Variants in PDE6C observed in about 807,000 individuals in gnomAD.
The protein encoded by PDE6C is phosphodiesterase 6C.
A neutral mutation model predicts 113.1 loss-of-function variants in PDE6C; 75 were observed. The ratio of observed to expected loss-of-function variants is 0.66; its 90% CI spans 0.55 to 0.80. The LOEUF is 0.80. PDE6C is among the 30% of genes least tolerant of loss of function. The pLI is 0.00. For missense variants in PDE6C, 912 were observed against 1,038.6 expected, an observed-to-expected ratio of 0.88 and a Z score of 1.67; for synonymous variants, 375 against 363.7, an observed-to-expected ratio of 1.03 and a Z score of -0.35.
At chr10:93,636,376 G>C (rs1259930815) in intron 10 of PDE6C, among the ~76,000 whole-genome samples, 2 of 147,092 alleles carry the variant, frequency 1.4e-5, no homozygotes, top group Non-Finnish European at 1.5e-5. Context: ...CTTTGTGTGT[G>C]TGTGTGTGTG....
chr10:93,624,597 A>G (rs7095955), intron 4 of PDE6C, among the ~76,000 whole-genome samples: 11,220 of 152,222 alleles, frequency 0.074, 930 homozygotes, highest in African/African-American at 0.21. Context: ...TAATTGTTCT[A>G]AGTGGATAAA....
In PDE6C at chr10:93,621,478, G is replaced by A. The variant is rs966500046; in HGVS notation, c.724-454G>A. On this transcript the variant is annotated intron_variant, in intron 3 of 21. Coordinates refer to ENST00000371447, the MANE Select transcript of PDE6C (RefSeq NM_006204.4). ...CAGTTTCCTCACCAGTACAATGCACGAGTAGAGGTTGAGAGGGAGGTCCCT... is the reference window on the plus strand; with the variant it reads ...CAGTTTCCTCACCAGTACAATGCACAAGTAGAGGTTGAGAGGGAGGTCCCT... Among the ~76,000 whole-genome samples the A allele has an allele frequency of 3.1e-4, 47 of 152,192 alleles. 1 individual carries two copies. Among genetic ancestry groups the A allele is most frequent in the South Asian group, 4.1e-4 (2 of 4,836 alleles).
intron 11 of PDE6C, among the ~76,000 whole-genome samples, chr10:93,638,466 A>T (rs956995029): frequency 2.6e-5 from 4 of 152,132 alleles, no homozygotes; most frequent in Admixed American, 2.6e-4. Context: ...CCTGCCCTCA[A>T]CAATAGGCAT....
chr10:93,623,742 T>C (rs943838845), intron 4 of PDE6C, among the ~76,000 whole-genome samples: 3 of 152,238 alleles, frequency 2.0e-5, no homozygotes, highest in African/African-American at 7.2e-5. Flanking sequence ...CCTTTGCGCC[T>C]TTGTCCAAGT....
Position 93,663,077 on chromosome 10 carries a change from A to C in PDE6C, c.2417A>C (p.Gln806Pro). 1 of 1,613,278 alleles carries C rather than the reference A, an allele frequency of 6.2e-7. No individual in the cohort carries two copies. The highest frequency in any genetic ancestry group is 8.5e-7 in the Non-Finnish European group (1 of 1,179,556). Residue 806 changes from glutamine (Q) to proline (P), a missense_variant, in exon 21 of 22, where the codon CAG becomes CCG. Physicochemically the swap from Gln to Pro is moderately conservative, Grantham distance 76. Transcript: ENST00000371447. ...ATCACACCTATGCTGAGTGGTCTTCAGAATAACAGAGTAGAATGGAAATCA... is the reference window on the plus strand; with the variant it reads ...ATCACACCTATGCTGAGTGGTCTTCCGAATAACAGAGTAGAATGGAAATCA... ...KEITPMLSGL[Q>P]NNRVEWKSLA...
Position 93,662,109 on chromosome 10 carries a change from AAC to A in PDE6C, c.2261_2262del (p.Thr754SerfsTer17). 2 of 1,608,386 alleles carry A rather than the reference AAC, an allele frequency of 1.2e-6. No individual in the cohort carries two copies. Among genetic ancestry groups the A allele is most frequent in the Non-Finnish European group, 1.7e-6 (2 of 1,174,868 alleles). On this transcript the variant is annotated frameshift_variant, in exon 19 of 22. Transcript: ENST00000371447. LOFTEE classifies it high-confidence loss of function. The part of the protein sequence containing the change: ...EFWEQGDLER[T>X]VLQQQPIPMM... The stretch of plus-strand genomic sequence containing the variant: ...TTTGGGAACAAGGAGATCTGGAGAG[AAC>A]AGTGTTGCAGCAACAACCCATTGTA...
intron 1 of PDE6C, among the ~76,000 whole-genome samples, chr10:93,613,500 T>G (rs948749560): frequency 5.9e-5 from 9 of 152,170 alleles, no homozygotes; most frequent in African/African-American, 1.9e-4. Flanking sequence ...CCTGGTGCAT[T>G]CCACACACCC....
intron 1 of PDE6C, 142 bp downstream of exon 1, chr10:93,613,347 G>C: frequency 9.1e-7 from 1 of 1,097,070 alleles, no homozygotes; most frequent in Admixed American, 2.1e-5. Flanking sequence ...GATCACCCAG[G>C]CCTAGTGTTG....
In PDE6C at chr10:93,613,094, T is replaced by A. The variant is rs780760282; in HGVS notation, c.369T>A (p.Phe123Leu). Residue 123 changes from phenylalanine (F) to leucine (L), a missense_variant, in exon 1 of 22, where the codon TTT (phenylalanine) becomes TTA (leucine). Coordinates refer to ENST00000371447, the MANE Select transcript of PDE6C (RefSeq NM_006204.4). ...RLLDVTPTSK[F>L]EDNLVGPDKE... is the part of the protein sequence containing the mutation. Reference sequence around the variant, plus strand: ...TGGATGTCACCCCCACCTCCAAGTTTGAGGACAACCTGGTGGGCCCTGACA... The same window carrying A: ...TGGATGTCACCCCCACCTCCAAGTTAGAGGACAACCTGGTGGGCCCTGACA... 2 of 1,614,054 alleles carry A rather than the reference T, an allele frequency of 1.2e-6. No individual in the cohort carries two copies. The highest frequency in any genetic ancestry group is 1.7e-6 in the Non-Finnish European group (2 of 1,180,032).
In PDE6C at chr10:93,612,579, C is replaced by G. The variant is rs554196386; in HGVS notation, c.-147C>G. 7.9e-5 allele frequency: 85 copies of G among 1,074,714 alleles called. No homozygotes were observed. In the African/African-American group the frequency reaches 1.2e-3, roughly 15 times the overall value. 66.6% of individuals were successfully genotyped at this position (1,074,714 alleles called of 1,614,324 possible). ...ACAGGCAGTTTGAAAGCTCTGCTTT[C>G]TGCTTGACCTTTGGAAGTCCTATGA... On this transcript the variant is annotated 5_prime_UTR_variant, in exon 1 of 22. Coordinates refer to ENST00000371447, the MANE Select transcript of PDE6C (RefSeq NM_006204.4).
chr10:93,654,810 C>CTTTCTTTCT (rs1554891606), intron 15 of PDE6C, among the ~76,000 whole-genome samples: 7 of 77,100 alleles, frequency 9.1e-5, no homozygotes, highest in African/African-American at 2.1e-4. Flanking sequence ...TTCTTTCTTT[C>CTTTCTTTCT]TTTTTTTTTT....
At chr10:93,651,827 A>G (rs911634028) in intron 15 of PDE6C, among the ~76,000 whole-genome samples, 9 of 152,186 alleles carry the variant, frequency 5.9e-5, no homozygotes, top group Non-Finnish European at 1.3e-4. Flanking sequence ...AATGTACATC[A>G]GCATAACTTC....
intron 1 of PDE6C, among the ~76,000 whole-genome samples, chr10:93,614,702 A>G (rs2058411790): frequency 6.6e-6 from 1 of 152,144 alleles, no homozygotes; most frequent in South Asian, 2.1e-4. Flanking sequence ...TGATTAGCCC[A>G]GTTCTCTGTG....
intron 3 of PDE6C, 132 bp downstream of exon 3, chr10:93,621,112 C>A: frequency 1.4e-6 from 1 of 738,392 alleles, no homozygotes; most frequent in South Asian, 1.5e-5. Context: ...AAACTTCAGT[C>A]CCACGTGTCC....
chr10:93,624,764 G>C (rs2058465618), intron 4 of PDE6C, among the ~76,000 whole-genome samples: 1 of 152,108 alleles, frequency 6.6e-6, no homozygotes, highest in Non-Finnish European at 1.5e-5. Flanking sequence ...TAACAAGGTA[G>C]GGCAGCGCTA....
At position 93,665,618 on chromosome 10, in the gene PDE6C, A is replaced by G. The variant is rs886597019; in HGVS notation, c.*200A>G. On this transcript the variant is annotated 3_prime_UTR_variant, in exon 22 of 22. Coordinates refer to ENST00000371447, the MANE Select transcript of PDE6C (RefSeq NM_006204.4). The stretch of plus-strand genomic sequence containing the variant: ...AACAAAAGTGCAAAATATGACAAAA[A>G]TAGGTACATTTTTGGTGCCAATTTA... The G allele has an allele frequency of 8.7e-6, 5 of 572,806 alleles. No individual in the cohort carries two copies. The highest frequency in any genetic ancestry group is 2.9e-5 in the East Asian group (1 of 33,972). The allele number at this position is 572,806 out of a possible 1,614,324, so 35.5% of individuals were successfully genotyped here.
chr10:93,655,546 T>A (rs1201924977), intron 15 of PDE6C, among the ~76,000 whole-genome samples: 1 of 146,830 alleles, frequency 6.8e-6, no homozygotes, highest in Non-Finnish European at 1.5e-5. Context: ...TTAAATTAAA[T>A]TATCTTACTT....
At position 93,664,022 on chromosome 10, in the gene PDE6C, T is replaced by C. The variant is rs574646797; in HGVS notation, c.2518+844T>C. Reference sequence around the variant, plus strand: ...AATAATTCATAGGAGAAAATATTTTTCTTAACAAAGTTAAGGATGTCCTTC... The same window carrying C: ...AATAATTCATAGGAGAAAATATTTTCCTTAACAAAGTTAAGGATGTCCTTC... On this transcript the variant is annotated intron_variant, in intron 21 of 21. Coordinates refer to ENST00000371447, the MANE Select transcript of PDE6C (RefSeq NM_006204.4). 2.6e-5 allele frequency among the ~76,000 whole-genome samples: 4 copies of C among 152,196 alleles called. No individual in the cohort carries two copies. In the South Asian group the frequency reaches 8.3e-4, roughly 32 times the overall value.
At chr10:93,621,872 G>A (rs1039940302) in intron 3 of PDE6C, 60 bp from the exon 4 acceptor site, 30 of 1,465,480 alleles carry the variant, frequency 2.0e-5, no homozygotes, top group Non-Finnish European at 2.9e-5. Flanking sequence ...TGTGGTGAAT[G>A]CTCTATCTCT....
Sources: allele counts gnomAD v4.1 joint callset (sites outside exome capture counted in the v4.1 genomes callset), GRCh38; gene constraint gnomAD v4.1.1; transcripts MANE v1.5; gene names NCBI Gene and HGNC (gene_info 2026-07-23, HGNC 2026-07-21).